Variants in ZNF391 observed in about 807,000 individuals in gnomAD.
The protein encoded by ZNF391 is zinc finger protein 391.
For missense variants in ZNF391, 375 were observed against 425.5 expected (o/e 0.88, Z 1.04); for synonymous variants, 126 against 142.1 (o/e 0.89, Z 0.80).
At chr6:27,386,982 T>C (rs1036305480), upstream of ZNF391, among the ~76,000 whole-genome samples, 3 of 146,686 alleles carry the variant, frequency 2.0e-5, no homozygotes, top group African/African-American at 7.5e-5. Flanking sequence ...TGAAGAAGAA[T>C]ATCTGGAATA....
chr6:27,378,263 C>T (rs188602880), intron 1 of ZNF391, among the ~76,000 whole-genome samples: 11 of 152,300 alleles, frequency 7.2e-5, no homozygotes, highest in African/African-American at 2.2e-4. Flanking sequence ...ATTTCACTCA[C>T]GTCAGTGTGA....
intron 2 of ZNF391, among the ~76,000 whole-genome samples, chr6:27,399,883 C>CT (rs935193325): frequency 3.9e-5 from 6 of 152,158 alleles, no homozygotes; most frequent in Admixed American, 6.6e-5. Flanking sequence ...AGTCATCTTT[C>CT]TTTTTTCCAT....
chr6:27,384,482 AAGAGAGAG>A (rs760600893), upstream of ZNF391, among the ~76,000 whole-genome samples: 1 of 24,656 alleles, frequency 4.1e-5, no homozygotes. Flanking sequence ...AAAAAAAAAA[AAGAGAGAG>A]AGAGAGAGAG....
At chr6:27,381,414 G>A (rs1761504994) in intron 1 of ZNF391, among the ~76,000 whole-genome samples, 1 of 152,234 alleles carries the variant, frequency 6.6e-6, no homozygotes, top group South Asian at 2.1e-4. Flanking sequence ...ACCGCGCGCA[G>A]CCCCAGTTCC....
chr6:27,375,382 C>A (rs1258187027), intron 1 of ZNF391, among the ~76,000 whole-genome samples: 2 of 152,276 alleles, frequency 1.3e-5, no homozygotes, highest in East Asian at 3.9e-4. Flanking sequence ...TGTGACACCT[C>A]CACTGTGACT....
intron 1 of ZNF391, among the ~76,000 whole-genome samples, chr6:27,375,490 T>C (rs1761403860): frequency 1.3e-5 from 2 of 152,188 alleles, no homozygotes; most frequent in Admixed American, 6.5e-5. Context: ...GTTCTTATTA[T>C]CTCTTTTATA....
At chr6:27,395,546 ATTTC>A (rs1159519001) in intron 1 of ZNF391, among the ~76,000 whole-genome samples, 1 of 152,166 alleles carries the variant, frequency 6.6e-6, no homozygotes, top group South Asian at 2.1e-4. Flanking sequence ...ATCCTCAGGT[ATTTC>A]TTTATAGTAA....
In ZNF391 at chr6:27,374,884, C is replaced by T. The variant is rs544951712; in HGVS notation, n.270C>T. The T allele has an allele frequency of 6.6e-6, 1 of 152,508 alleles. No homozygotes were observed. The highest frequency in any genetic ancestry group is 2.4e-5 in the African/African-American group (1 of 41,584). The allele number at this position is 152,508 out of a possible 1,614,324, so 9.4% of individuals were successfully genotyped here. On this transcript the variant is annotated non_coding_transcript_exon_variant, in exon 1 of 3. Coordinates refer to the ZNF391 transcript ENST00000477999. The surrounding 1 kb of genome is among the most constrained non-coding windows in gnomAD (Gnocchi z 5.3). ...TCCTGCGCCTAGAAGCCTTCCACGA[C>T]CCTCAACCCCACAGAGCCCCGAGCA...
chr6:27,382,914 G>T (rs1262598317), intron 1 of ZNF391, among the ~76,000 whole-genome samples: 1 of 152,088 alleles, frequency 6.6e-6, no homozygotes, highest in Non-Finnish European at 1.5e-5. Context: ...GGGGTCAGGA[G>T]GTCAAGACCA....
rs1359576389 is a variant in ZNF391 at position 27,403,534 on chromosome 6, A to C, written c.*2087A>C. ...CTGGTTCTTTCACAAGTACTTTTTT[A>C]CATAAGCTGTTTTGAAGTTGTAAAT... On this transcript the variant is annotated 3_prime_UTR_variant, in exon 3 of 3. Coordinates refer to ENST00000244576, the MANE Select transcript of ZNF391 (RefSeq NM_001076781.3). 1 of 152,154 alleles carries C rather than the reference A, an allele frequency of 6.6e-6. No homozygotes were observed. The highest frequency in any genetic ancestry group is 2.4e-5 in the African/African-American group (1 of 41,424). The allele number at this position is 152,154 out of a possible 1,614,324, so 9.4% of individuals were successfully genotyped here. A position where few individuals can be genotyped will look rare whatever the true frequency, so the allele number is the denominator to read the frequency against.
intron 1 of ZNF391, among the ~76,000 whole-genome samples, chr6:27,381,371 A>G (rs1346807119): frequency 6.6e-6 from 1 of 152,188 alleles, no homozygotes; most frequent in African/African-American, 2.4e-5. Context: ...CACCAAGCCC[A>G]CGCCCAACCG....
Position 27,400,305 on chromosome 6 carries a change from G to T in ZNF391, c.-66G>T. On this transcript the variant is annotated 5_prime_UTR_variant, in exon 3 of 3. Transcript: ENST00000244576. ...AAATGTCTTTCAGATAGGGGGATTT[G>T]AGCTGAACCAAAGCATCAACACCAA... The T allele has an allele frequency of 7.7e-7, 1 of 1,295,040 alleles. No homozygotes were observed. Among genetic ancestry groups the T allele is most frequent in the South Asian group, 1.5e-5 (1 of 68,896 alleles). 80.2% of individuals were successfully genotyped at this position (1,295,040 alleles called of 1,614,324 possible). A position where few individuals can be genotyped will look rare whatever the true frequency, so the allele number is the denominator to read the frequency against.
chr6:27,397,542 A>G (rs940262547), intron 1 of ZNF391, among the ~76,000 whole-genome samples: 4 of 152,224 alleles, frequency 2.6e-5, no homozygotes, highest in Non-Finnish European at 4.4e-5. Flanking sequence ...GGAGGAGCTT[A>G]AGGATCTGAG....
rs559465522 is a variant in ZNF391 at position 27,402,991 on chromosome 6, A to G, written c.*1544A>G. On this transcript the variant is annotated 3_prime_UTR_variant, in exon 3 of 3. Transcript: ENST00000244576. Reference sequence around the variant, plus strand: ...ACTGATTCCTCTTTATCTGTAATCAATCAACTTGACTTTATTTGATATGGA... The same window carrying G: ...ACTGATTCCTCTTTATCTGTAATCAGTCAACTTGACTTTATTTGATATGGA... 6.6e-6 allele frequency: 1 copy of G among 152,296 alleles called. No homozygotes were observed. Among genetic ancestry groups the G allele is most frequent in the African/African-American group, 2.4e-5 (1 of 41,564 alleles). The allele number at this position is 152,296 out of a possible 1,614,324, so 9.4% of individuals were successfully genotyped here.
chr6:27,394,379 G>A (rs2113654176), intron 1 of ZNF391, among the ~76,000 whole-genome samples: 1 of 152,344 alleles, frequency 6.6e-6, no homozygotes, highest in East Asian at 1.9e-4. Context: ...TACAGCTCAG[G>A]CTGCTGCTGT....
In ZNF391 at chr6:27,399,453, T is replaced by G. The variant is rs1236391402; in HGVS notation, c.-176T>G. The G allele has an allele frequency of 6.6e-6, 1 of 152,228 alleles. No individual in the cohort carries two copies. The highest frequency in any genetic ancestry group is 2.4e-5 in the African/African-American group (1 of 41,464). 9.4% of individuals were successfully genotyped at this position (152,228 alleles called of 1,614,324 possible). On this transcript the variant is annotated 5_prime_UTR_variant, in exon 2 of 3. The change abolishes an upstream ATG in the 5' untranslated region. Coordinates refer to ENST00000244576, the MANE Select transcript of ZNF391 (RefSeq NM_001076781.3). ...TTTCTAATCTGCAGGAACCCCAGCATGTTAATTGAACTTGATCACCCAGTT... is the reference window on the plus strand; with the variant it reads ...TTTCTAATCTGCAGGAACCCCAGCAGGTTAATTGAACTTGATCACCCAGTT...
chr6:27,400,896 C>T lies in ZNF391; in HGVS notation c.526C>T (p.Arg176Trp), dbSNP rs770350591. The T allele has an allele frequency of 8.7e-6, 14 of 1,613,886 alleles. No homozygotes were observed. Among genetic ancestry groups the T allele is most frequent in the Admixed American group, 3.3e-5 (2 of 60,002 alleles). Reference sequence around the variant, plus strand: ...CAATGAATGTGGAAAAGCTTTTAGCCGGAGCACACATCTTAGTCTACATCA... The same window carrying T: ...CAATGAATGTGGAAAAGCTTTTAGCTGGAGCACACATCTTAGTCTACATCA... ...ECNECGKAFS[R>W]STHLSLHQRI... The change falls in exon 3 of 3, where the codon CGG (arginine) becomes TGG (tryptophan). Residue 176 changes from arginine to tryptophan, a missense_variant. By Grantham distance (101) the Arg-to-Trp change is moderately radical. Coordinates refer to ENST00000244576, the MANE Select transcript of ZNF391 (RefSeq NM_001076781.3).
chr6:27,386,972 TGAA>T (rs61408824), upstream of ZNF391, among the ~76,000 whole-genome samples: 106,751 of 151,598 alleles, frequency 0.7, 37,820 homozygotes, highest in Middle Eastern at 0.8. Flanking sequence ...AAATCATATC[TGAA>T]GAAGAATATC....
chr6:27,395,358 G>A (rs12662076), intron 1 of ZNF391, among the ~76,000 whole-genome samples: 95,640 of 151,628 alleles, frequency 0.63, 30,330 homozygotes, highest in Middle Eastern at 0.78. Context: ...GTGTAAAAGC[G>A]TGTCATCTCC....
Sources: gnomAD v4.1 joint callset for allele counts (sites outside exome capture counted in the v4.1 genomes callset) on GRCh38, gnomAD v4.1.1 for gene constraint, Gnocchi (gnomAD v3.1) non-coding constraint, MANE v1.5 for transcripts, NCBI Gene and HGNC (gene_info 2026-07-23, HGNC 2026-07-21) for gene names.